DSCAML1: variants seen among roughly 807,000 people sequenced by gnomAD.
DSCAML1 encodes cell adhesion molecule DSCAML1.
DSCAML1 carries 38 observed loss-of-function variants against 200.5 expected under a neutral mutation model. The ratio of observed to expected loss-of-function variants is 0.19; its 90% CI spans 0.15 to 0.25. The LOEUF (loss-of-function observed/expected upper bound fraction) is 0.25. DSCAML1 is among the 10% of genes least tolerant of loss of function. The probability of loss-of-function intolerance (pLI) is 1.00; values close to 1 mark genes in which losing one functional copy is unlikely to be tolerated. For synonymous variants in DSCAML1, 1,215 were observed against 1,165.0 expected (o/e 1.04, Z -0.87); for missense variants, 2,223 against 2,858.8 (o/e 0.78, Z 5.07).
At chr11:117,734,507 C>T (rs143668698) in intron 3 of DSCAML1, among the ~76,000 whole-genome samples, 169 of 152,332 alleles carry the variant, frequency 1.1e-3, no homozygotes, top group African/African-American at 3.9e-3. Flanking sequence ...GGGCTCTCCC[C>T]CAGCTCTGCT....
chr11:117,780,248 G>GAAAAAGAAAGAAAGAA lies in DSCAML1; in HGVS notation c.364+244_364+245insTTCTTTCTTTCTTTTT, dbSNP rs750717030. Among the ~76,000 whole-genome samples, 1 of 76,670 alleles carries GAAAAAGAAAGAAAGAA rather than the reference G, an allele frequency of 1.3e-5. No homozygotes were observed. Among genetic ancestry groups the GAAAAAGAAAGAAAGAA allele is most frequent in the African/African-American group, 4.2e-5 (1 of 23,680 alleles). 50.3% of individuals were successfully genotyped at this position (76,670 alleles called of 152,430 possible). A position where few individuals can be genotyped will look rare whatever the true frequency, so the allele number is the denominator to read the frequency against. On this transcript the variant is annotated intron_variant, in intron 2 of 32. Coordinates refer to ENST00000651296, the MANE Select transcript of DSCAML1 (RefSeq NM_020693.4). The surrounding 1 kb of genome is among the most constrained non-coding windows in gnomAD (Gnocchi z 4.8). ...GAAAGAAAGGAAAGAAAGAAAGAAA[G>GAAAAAGAAAGAAAGAA]AAAGAAAGAAAGAAAGAAAGAAAGA...
chr11:117,647,168 T>C (rs2052536544), intron 3 of DSCAML1, among the ~76,000 whole-genome samples: 3 of 152,216 alleles, frequency 2.0e-5, no homozygotes, highest in African/African-American at 7.2e-5. Context: ...GGGGCTCACA[T>C]GAGGCAAGAG....
At chr11:117,532,652 TC>T in intron 3 of DSCAML1, 130 bp from the exon 4 acceptor site, 1 of 959,886 alleles carries the variant, frequency 1.0e-6, no homozygotes, top group East Asian at 2.6e-5. Context: ...TAGTAATTGT[TC>T]CTTTCAGTGT....
At chr11:117,610,732 TAC>T (rs1160083556) in intron 3 of DSCAML1, among the ~76,000 whole-genome samples, 1 of 151,842 alleles carries the variant, frequency 6.6e-6, no homozygotes, top group African/African-American at 2.4e-5. Flanking sequence ...TGTATTCAAT[TAC>T]ACACAGTCAT....
chr11:117,657,253 C>T (rs1354142511), intron 3 of DSCAML1, among the ~76,000 whole-genome samples: 1 of 152,180 alleles, frequency 6.6e-6, no homozygotes, highest in Non-Finnish European at 1.5e-5. Context: ...AGGCCAAAAC[C>T]ATAACCCAAT....
chr11:117,631,332 G>A (rs1298067188), intron 3 of DSCAML1, among the ~76,000 whole-genome samples: 1 of 152,190 alleles, frequency 6.6e-6, no homozygotes, highest in African/African-American at 2.4e-5. Context: ...GGGCCTGTTG[G>A]ACCCGGGCAG....
intron 3 of DSCAML1, among the ~76,000 whole-genome samples, chr11:117,758,452 A>G (rs1263456732): frequency 6.6e-6 from 1 of 151,634 alleles, no homozygotes; most frequent in Non-Finnish European, 1.5e-5. Flanking sequence ...CCCAGGCTGG[A>G]GTGCAGTGGC....
At chr11:117,476,152 G>A (rs1400118174) in intron 14 of DSCAML1, among the ~76,000 whole-genome samples, 1 of 152,160 alleles carries the variant, frequency 6.6e-6, no homozygotes, top group East Asian at 1.9e-4. Flanking sequence ...AAGGGTTTAT[G>A]ATGCAAAATA....
chr11:117,699,019 A>G (rs2053627872), intron 3 of DSCAML1, among the ~76,000 whole-genome samples: 1 of 152,208 alleles, frequency 6.6e-6, no homozygotes, highest in African/African-American at 2.4e-5. Context: ...GTAATTCATC[A>G]AGTCAGTATG....
At chr11:117,453,244 T>G (rs772293210) in intron 19 of DSCAML1, among the ~76,000 whole-genome samples, 1 of 152,220 alleles carries the variant, frequency 6.6e-6, no homozygotes, top group Non-Finnish European at 1.5e-5. Context: ...CCCATTGTCG[T>G]TTATTTTAAT....
intron 1 of DSCAML1, among the ~76,000 whole-genome samples, chr11:117,811,658 TC>T (rs1219747371): frequency 1.3e-5 from 2 of 152,144 alleles, no homozygotes; most frequent in Non-Finnish European, 2.9e-5. Flanking sequence ...ATCGGACTGT[TC>T]AACTCACCTG....
At chr11:117,501,434 ACAGT>A (rs1237967572) in intron 11 of DSCAML1, among the ~76,000 whole-genome samples, 1 of 152,070 alleles carries the variant, frequency 6.6e-6, no homozygotes, top group Non-Finnish European at 1.5e-5. Context: ...CTACACAAAG[ACAGT>A]CAGCTCCTCC....
At chr11:117,718,806 T>A (rs914126444) in intron 3 of DSCAML1, among the ~76,000 whole-genome samples, 3 of 152,124 alleles carry the variant, frequency 2.0e-5, no homozygotes, top group Non-Finnish European at 4.4e-5. Context: ...TGATTACTTG[T>A]TAATAACAAC....
intron 3 of DSCAML1, among the ~76,000 whole-genome samples, chr11:117,672,679 T>A (rs1401156195): frequency 3.3e-5 from 5 of 152,224 alleles, no homozygotes; most frequent in Non-Finnish European, 5.9e-5. Context: ...CCCATTTTTT[T>A]ATTCAATACA....
At chr11:117,638,839 C>T (rs1302572113) in intron 3 of DSCAML1, among the ~76,000 whole-genome samples, 3 of 152,186 alleles carry the variant, frequency 2.0e-5, no homozygotes, top group African/African-American at 7.2e-5. Flanking sequence ...CTGCTGTGAA[C>T]ATCCATGCAT....
chr11:117,583,487 G>C (rs964123494), intron 3 of DSCAML1, among the ~76,000 whole-genome samples: 1 of 152,166 alleles, frequency 6.6e-6, no homozygotes, highest in African/African-American at 2.4e-5. Flanking sequence ...TCTAGGCTCA[G>C]CTGCAGCCCC....
At chr11:117,473,035 A>G (rs2048716132) in intron 14 of DSCAML1, among the ~76,000 whole-genome samples, 1 of 152,210 alleles carries the variant, frequency 6.6e-6, no homozygotes, top group South Asian at 2.1e-4. Flanking sequence ...GCAAGTCCAG[A>G]TGTCACTATT....
At chr11:117,467,574 G>A (rs1260478428) in intron 16 of DSCAML1, among the ~76,000 whole-genome samples, 1 of 152,226 alleles carries the variant, frequency 6.6e-6, no homozygotes, top group East Asian at 1.9e-4. Context: ...TTAATAAAAT[G>A]AAGTTTTTAA....
At chr11:117,557,508 C>A (rs989478612) in intron 3 of DSCAML1, among the ~76,000 whole-genome samples, 1 of 152,222 alleles carries the variant, frequency 6.6e-6, no homozygotes, top group Non-Finnish European at 1.5e-5. Context: ...CCGCCTCACT[C>A]GAGCCCCTCT....
Sources: gnomAD v4.1 joint callset for allele counts (sites outside exome capture counted in the v4.1 genomes callset) on GRCh38, gnomAD v4.1.1 for gene constraint, Gnocchi (gnomAD v3.1) non-coding constraint, MANE v1.5 for transcripts, NCBI Gene and HGNC (gene_info 2026-07-23, HGNC 2026-07-21) for gene names.